RADIL: variants seen among roughly 807,000 people sequenced by gnomAD.
The protein encoded by RADIL is Rap associating with DIL domain.
A neutral mutation model predicts 97.6 loss-of-function variants in RADIL; 99 were observed. The observed-to-expected ratio is 1.01, with a 90% confidence interval of 0.86 to 1.20. RADIL has a LOEUF of 1.20. Among genes scored for constraint, RADIL ranks in the 50% most tolerant of loss-of-function variants. The pLI is 0.00. For missense variants in RADIL, 1,765 were observed against 1,498.9 expected, an observed-to-expected ratio of 1.18 and a Z score of -2.93; for synonymous variants, 803 against 691.8, an observed-to-expected ratio of 1.16 and a Z score of -2.52.
chr7:4,847,933 C>A (rs879113277), intron 2 of RADIL, among the ~76,000 whole-genome samples: 3 of 152,046 alleles, frequency 2.0e-5, no homozygotes, highest in Non-Finnish European at 4.4e-5. Flanking sequence ...CAGTGGCTCT[C>A]GCCTGTAATC....
At chr7:4,820,525 G>A (rs1185470424) in intron 6 of RADIL, among the ~76,000 whole-genome samples, 1 of 152,240 alleles carries the variant, frequency 6.6e-6, no homozygotes, top group Admixed American at 6.5e-5. Flanking sequence ...AAGGCCAGGA[G>A]GGGTTGACAC....
chr7:4,862,621 C>T (rs966661312), intron 2 of RADIL, among the ~76,000 whole-genome samples: 1 of 152,174 alleles, frequency 6.6e-6, no homozygotes, highest in Non-Finnish European at 1.5e-5. Flanking sequence ...CTTACCCAGG[C>T]TGGGCGCAGT....
Position 4,818,723 on chromosome 7 carries a change from G to A in RADIL, c.1616-1372C>T, listed in dbSNP as rs945246694. ...CTCTGTCCCGTCCACCTGTCCTGGT[G>A]CCCTGACCCTGGCTGCCTCAGGCTG... is the stretch of plus-strand genomic sequence containing the variant. On this transcript the variant is annotated intron_variant, in intron 6 of 14. Transcript: ENST00000399583. This position sits in a 1 kb window ranked among gnomAD's most constrained non-coding sequence, Gnocchi z 7.1. Among the ~76,000 whole-genome samples the A allele has an allele frequency of 6.6e-6, 1 of 152,154 alleles. No individual in the cohort carries two copies. The highest frequency in any genetic ancestry group is 1.5e-5 in the Non-Finnish European group (1 of 68,032).
Position 4,822,593 on chromosome 7 carries a change from G to C in RADIL, c.1455-39C>G. ...AAGACTAAGAGTTACGCGGGGACCCGACCCTCAGGAGGCTGAATCTACCAC... is the reference window on the plus strand; with the variant it reads ...AAGACTAAGAGTTACGCGGGGACCCCACCCTCAGGAGGCTGAATCTACCAC... On this transcript the variant is annotated intron_variant, in intron 5 of 14. Coordinates refer to ENST00000399583, the MANE Select transcript of RADIL (RefSeq NM_018059.5). This position sits in a 1 kb window ranked among gnomAD's most constrained non-coding sequence, Gnocchi z 5.3. The C allele has an allele frequency of 1.3e-6, 2 of 1,594,642 alleles. No individual in the cohort carries two copies. The highest frequency in any genetic ancestry group is 1.3e-5 in the African/African-American group (1 of 74,460).
intron 5 of RADIL, among the ~76,000 whole-genome samples, chr7:4,826,430 G>A (rs1468917476): frequency 6.6e-6 from 1 of 151,766 alleles, no homozygotes; most frequent in Non-Finnish European, 1.5e-5. Context: ...GAAAAGGGGA[G>A]TTTTTAAAAA....
At chr7:4,870,093 T>C (rs918190399) in intron 2 of RADIL, among the ~76,000 whole-genome samples, 2 of 152,156 alleles carry the variant, frequency 1.3e-5, no homozygotes, top group Non-Finnish European at 2.9e-5. Flanking sequence ...TGAGCCATGA[T>C]TGCACCACTG....
chr7:4,857,429 T>C (rs547523036), intron 2 of RADIL, among the ~76,000 whole-genome samples: 1 of 152,246 alleles, frequency 6.6e-6, no homozygotes. Context: ...GTCCATTTAT[T>C]GTAGTGACAG....
At chr7:4,810,672 C>T (rs1048812331) in intron 9 of RADIL, among the ~76,000 whole-genome samples, 6 of 152,230 alleles carry the variant, frequency 3.9e-5, no homozygotes, top group Admixed American at 6.5e-5. Context: ...ATTGCTCAAT[C>T]GGAGCACATG....
In RADIL at chr7:4,873,557, ACT is replaced by A. The variant is rs1784302394; in HGVS notation, c.535+4046_535+4047del. On this transcript the variant is annotated intron_variant, in intron 2 of 14. Transcript: ENST00000399583. This position sits in a 1 kb window ranked among gnomAD's most constrained non-coding sequence, Gnocchi z 4.3. Reference sequence around the variant, plus strand: ...GGGGCCCTGGCGTGCGCTGGACCTCACTGGGCCTGCCCTGCAGGGGCAGATGT... The same window carrying A: ...GGGGCCCTGGCGTGCGCTGGACCTCAGGGCCTGCCCTGCAGGGGCAGATGT... Among the ~76,000 whole-genome samples the A allele has an allele frequency of 6.6e-6, 1 of 152,126 alleles. No homozygotes were observed. Among genetic ancestry groups the A allele is most frequent in the Admixed American group, 6.5e-5 (1 of 15,276 alleles).
intron 9 of RADIL, chr7:4,809,517 G>A (rs1782474697): frequency 1.0e-6 from 1 of 985,254 alleles, no homozygotes; most frequent in Non-Finnish European, 1.2e-6. Context: ...GAACAAGAAC[G>A]TGGGCGGCGG....
chr7:4,848,358 TA>T (rs958739943), intron 2 of RADIL, among the ~76,000 whole-genome samples: 14 of 149,794 alleles, frequency 9.3e-5, no homozygotes, highest in South Asian at 2.1e-4. Context: ...AAAAGTTTTT[TA>T]AAAAAAAAAC....
At chr7:4,799,532 A>T (rs3736241) in intron 14 of RADIL, 49 bp from the exon 15 acceptor site, 1 of 1,612,288 alleles carries the variant, frequency 6.2e-7, no homozygotes, top group Non-Finnish European at 8.5e-7. Flanking sequence ...ACCAGGGGAG[A>T]CCCACAGGGT....
rs1782628829 is a variant in RADIL, at chr7:4,814,587, G to A, written c.2139+691C>T. ...TTGGGAGGGGGGTGGTGAGCAGCGA[G>A]GGAAGCAGGGAGGGGCATGTCGGTT... On this transcript the variant is annotated intron_variant, in intron 9 of 14. Transcript: ENST00000399583. This position sits in a 1 kb window ranked among gnomAD's most constrained non-coding sequence, Gnocchi z 4.5. Among the ~76,000 whole-genome samples the A allele has an allele frequency of 6.6e-6, 1 of 152,188 alleles. No homozygotes were observed. Among genetic ancestry groups the A allele is most frequent in the South Asian group, 2.1e-4 (1 of 4,832 alleles).
chr7:4,822,540 G>A lies in RADIL; in HGVS notation c.1469C>T (p.Ser490Leu), dbSNP rs79575100. 6.2e-3 allele frequency: 10,064 copies of A among 1,612,866 alleles called. 486 individuals are homozygous for A. The African/African-American group carries it at 0.11, about 18-fold the overall frequency. Reference protein sequence around the residue: ...EKQAQLQEPISLASCAMADLV... With the variant: ...EKQAQLQEPILLASCAMADLV... Reference sequence around the variant, plus strand: ...ATCAGCCATGGCGCAGCTGGCCAGCGAGATGGGCTCCTGGCTACCAAGACA... The same window carrying A: ...ATCAGCCATGGCGCAGCTGGCCAGCAAGATGGGCTCCTGGCTACCAAGACA... The change falls in exon 6 of 15, where the codon TCG (serine) becomes TTG (leucine). Residue 490 changes from serine (S) to leucine (L), a missense_variant. Ser to Leu is a moderately radical substitution (Grantham distance 145). Coordinates refer to ENST00000399583, the MANE Select transcript of RADIL (RefSeq NM_018059.5). This position sits in a 1 kb window ranked among gnomAD's most constrained non-coding sequence, Gnocchi z 5.3.
In RADIL at chr7:4,836,608, G is replaced by T; in HGVS notation, c.536-3C>A. On this transcript the variant is annotated splice_region_variant and splice_polypyrimidine_tract_variant and intron_variant, in intron 2 of 14. Coordinates refer to ENST00000399583, the MANE Select transcript of RADIL (RefSeq NM_018059.5). ...CCTCCGGGCCTGGGCGTTTATCCCTGGAACAGAAGCAACACAAGGTGAACA... is the reference window on the plus strand; with the variant it reads ...CCTCCGGGCCTGGGCGTTTATCCCTTGAACAGAAGCAACACAAGGTGAACA... 1 of 1,606,286 alleles carries T rather than the reference G, an allele frequency of 6.2e-7. No individual in the cohort carries two copies. The highest frequency in any genetic ancestry group is 1.1e-5 in the South Asian group (1 of 91,054).
rs112919475 is a variant in RADIL at position 4,815,607 on chromosome 7, C to A, written c.1967-157G>T. Reference sequence around the variant, plus strand: ...CACCTTCCCTCGGTTTTCAAGGCAACTGACCAGCCTTGAACCCCTCTCTGG... The same window carrying A: ...CACCTTCCCTCGGTTTTCAAGGCAAATGACCAGCCTTGAACCCCTCTCTGG... On this transcript the variant is annotated intron_variant, in intron 8 of 14. Transcript: ENST00000399583. This position sits in a 1 kb window ranked among gnomAD's most constrained non-coding sequence, Gnocchi z 8.0. 1.3e-4 allele frequency among the ~76,000 whole-genome samples: 20 copies of A among 152,332 alleles called. 1 individual carries two copies. The highest frequency in any genetic ancestry group is 4.1e-4 in the South Asian group (2 of 4,826).
At chr7:4,823,471 T>G (rs1309743530) in intron 5 of RADIL, among the ~76,000 whole-genome samples, 1 of 151,982 alleles carries the variant, frequency 6.6e-6, no homozygotes, top group Non-Finnish European at 1.5e-5. Context: ...TGCCTAGCCC[T>G]GATTCTGTAT....
At position 4,878,204 on chromosome 7, in the gene RADIL, C is replaced by G. The variant is rs1224269044; in HGVS notation, c.-64-1G>C. The G allele has an allele frequency of 7.0e-7, 1 of 1,438,052 alleles. No individual in the cohort carries two copies. Among genetic ancestry groups the G allele is most frequent in the African/African-American group, 1.4e-5 (1 of 69,592 alleles). 89.1% of individuals were successfully genotyped at this position (1,438,052 alleles called of 1,614,324 possible). A position where few individuals can be genotyped will look rare whatever the true frequency, so the allele number is the denominator to read the frequency against. ...CCAAAGGATGTGGGGAGGCCGTGAC[C>G]TGGGTGAAAAAGTGAGAGAGGTTAG... On this transcript the variant is annotated splice_acceptor_variant, in intron 1 of 14. Coordinates refer to ENST00000399583, the MANE Select transcript of RADIL (RefSeq NM_018059.5). LOFTEE classifies it low-confidence loss of function (5UTR_SPLICE). The surrounding 1 kb of genome is among the most constrained non-coding windows in gnomAD (Gnocchi z 4.1).
At position 4,877,399 on chromosome 7, in the gene RADIL, C is replaced by T. The variant is rs567992856; in HGVS notation, c.535+206G>A. ...GCAGTGAGCTGTGGTTGCACCACTG[C>T]ACTCCAGCCTGGGTGACAGAGCAAG... is the stretch of plus-strand genomic sequence containing the variant. On this transcript the variant is annotated intron_variant, in intron 2 of 14. Transcript: ENST00000399583. Among the ~76,000 whole-genome samples, 3 of 152,362 alleles carry T rather than the reference C, an allele frequency of 2.0e-5. No homozygotes were observed. In the South Asian group the frequency reaches 6.2e-4, roughly 32 times the overall value.
Sources: allele counts gnomAD v4.1 joint callset (sites outside exome capture counted in the v4.1 genomes callset), GRCh38; gene constraint gnomAD v4.1.1; non-coding constraint Gnocchi (gnomAD v3.1); transcripts MANE v1.5; gene names NCBI Gene and HGNC (gene_info 2026-07-23, HGNC 2026-07-21).